ATG7: variants seen among roughly 807,000 people sequenced by gnomAD.
The protein encoded by ATG7 is autophagy related 7.
A neutral mutation model predicts 82.4 loss-of-function variants in ATG7; 70 were observed. The ratio of observed to expected loss-of-function variants is 0.85; its 90% CI spans 0.70 to 1.04. The LOEUF (loss-of-function observed/expected upper bound fraction) is 1.04, where lower values mean the gene tolerates loss of function less well. ATG7 is among the 50% of genes least tolerant of loss of function. The pLI, the probability that ATG7 is intolerant of heterozygous loss-of-function variation, is 0.00. For missense variants in ATG7, 792 were observed against 864.3 expected, an observed-to-expected ratio of 0.92 and a Z score of 1.05; for synonymous variants, 287 against 313.0, an observed-to-expected ratio of 0.92 and a Z score of 0.88.
intron 7 of ATG7, among the ~76,000 whole-genome samples, chr3:11,313,019 T>C (rs1440628815): frequency 6.6e-6 from 1 of 152,220 alleles, no homozygotes; most frequent in East Asian, 1.9e-4. Flanking sequence ...ATGATGATGA[T>C]AATATCAATT....
At chr3:11,493,430 G>T (rs973497899) in intron 20 of ATG7, among the ~76,000 whole-genome samples, 1 of 152,180 alleles carries the variant, frequency 6.6e-6, no homozygotes, top group African/African-American at 2.4e-5. Flanking sequence ...TTGGTAAAAA[G>T]ACATTATTCA....
At chr3:11,536,696 C>A (rs1485212153) in intron 20 of ATG7, among the ~76,000 whole-genome samples, 2 of 152,272 alleles carry the variant, frequency 1.3e-5, no homozygotes, top group Admixed American at 6.5e-5. Context: ...AACCTGCTGC[C>A]CCGACCCTGC....
intron 6 of ATG7, among the ~76,000 whole-genome samples, 193 bp downstream of exon 6, chr3:11,307,253 G>GA (rs1559363781): frequency 1.2e-4 from 18 of 152,288 alleles, no homozygotes; most frequent in East Asian, 3.9e-4. Context: ...GGAAGGTCAG[G>GA]GAGAGGACAT....
Position 11,437,645 on chromosome 3 carries a change from C to G in ATG7, c.2079+10719C>G, listed in dbSNP as rs2152960818. 3.3e-5 allele frequency among the ~76,000 whole-genome samples: 5 copies of G among 152,164 alleles called. No individual in the cohort carries two copies. The Middle Eastern group carries it at 0.017, about 518-fold the overall frequency. On this transcript the variant is annotated intron_variant, in intron 20 of 20. Transcript: ENST00000693202. ...GTTGAATGAAAAGTACAGTGAATAC[C>G]CACATACTCCTACCTGGATCCAACA...
chr3:11,564,152 C>G, the ATG7 span, among the ~76,000 whole-genome samples: 1 of 152,232 alleles, frequency 6.6e-6, no homozygotes, highest in South Asian at 2.1e-4. Flanking sequence ...ATGCTGCTGC[C>G]TTCTCCCATA....
the ATG7 span, among the ~76,000 whole-genome samples, chr3:11,575,120 C>T: frequency 1.3e-5 from 2 of 152,158 alleles, no homozygotes; most frequent in Admixed American, 1.3e-4. Context: ...AGGGATCTGC[C>T]TGGGGCCATG....
rs140896914 is a variant in ATG7, at chr3:11,308,119, C to T, written c.334-865C>T. ...GGCTTACCGGAAACTGGGGGCCTCT[C>T]TTCAGTGGTCCAGCTTCTCCAAGGC... On this transcript the variant is annotated intron_variant, in intron 6 of 20. Transcript: ENST00000693202. Among the ~76,000 whole-genome samples the T allele has an allele frequency of 5.8e-3, 885 of 152,342 alleles. 6 individuals carry two copies. Among genetic ancestry groups the T allele is most frequent in the African/African-American group, 0.02 (837 of 41,584 alleles).
At chr3:11,451,886 GAC>G (rs34995509) in intron 20 of ATG7, among the ~76,000 whole-genome samples, 12 of 145,406 alleles carry the variant, frequency 8.3e-5, no homozygotes, top group East Asian at 4.0e-4. Context: ...CACACACACA[GAC>G]ACACACACAC....
At chr3:11,345,581 T>G (rs1036018087) in intron 13 of ATG7, among the ~76,000 whole-genome samples, 1 of 152,182 alleles carries the variant, frequency 6.6e-6, no homozygotes, top group African/African-American at 2.4e-5. Context: ...AAATCTTCCT[T>G]TTATCTTTTA....
chr3:11,359,257 A>T (rs1186934029), intron 15 of ATG7, among the ~76,000 whole-genome samples: 2 of 152,146 alleles, frequency 1.3e-5, no homozygotes, highest in African/African-American at 4.8e-5. Context: ...TATTAATAGT[A>T]ATTTTTTGAG....
At chr3:11,306,761 A>G (rs1019556258) in intron 5 of ATG7, among the ~76,000 whole-genome samples, 182 bp from the exon 6 acceptor site, 3 of 152,164 alleles carry the variant, frequency 2.0e-5, no homozygotes, top group South Asian at 2.1e-4. Context: ...TTAGGGGGGA[A>G]TGGTGCCTGT....
chr3:11,315,037 A>G (rs185607519), intron 8 of ATG7, among the ~76,000 whole-genome samples: 1 of 152,316 alleles, frequency 6.6e-6, no homozygotes, highest in East Asian at 1.9e-4. Flanking sequence ...ATGTTGGGTT[A>G]TCATAGGAGA....
intron 20 of ATG7, among the ~76,000 whole-genome samples, chr3:11,516,963 G>C (rs1365141484): frequency 6.6e-6 from 1 of 151,978 alleles, no homozygotes; most frequent in African/African-American, 2.4e-5. Context: ...CGTGCCTGTA[G>C]TCCCAGCTAC....
In ATG7 at chr3:11,423,089, T is replaced by C. The variant is rs111293299; in HGVS notation, c.1957-3715T>C. ...CTAGCTCTCGATTTAAAGTGAGAAA[T>C]GTGTGACTCTTCCTTTCACTTGGAC... On this transcript the variant is annotated intron_variant, in intron 19 of 20. Coordinates refer to ENST00000693202, the MANE Select transcript of ATG7 (RefSeq NM_001349232.2). Among the ~76,000 whole-genome samples the C allele has an allele frequency of 8.9e-3, 1,352 of 152,230 alleles. 22 individuals are homozygous for C. The highest frequency in any genetic ancestry group is 0.03 in the African/African-American group (1,253 of 41,524).
Position 11,507,940 on chromosome 3 carries a change from C to T in ATG7, c.2080-46871C>T, listed in dbSNP as rs1031443045. 6.9e-5 allele frequency among the ~76,000 whole-genome samples: 10 copies of T among 145,196 alleles called. No homozygotes were observed. In the South Asian group the frequency reaches 1.8e-3, roughly 26 times the overall value. On this transcript the variant is annotated intron_variant, in intron 20 of 20. Coordinates refer to ENST00000693202, the MANE Select transcript of ATG7 (RefSeq NM_001349232.2). ...AGTCTGTAGTTGGGCAACCCTGAAC[C>T]TTGCTGGTAATTAAAAAAAAAACAA...
intron 20 of ATG7, among the ~76,000 whole-genome samples, chr3:11,513,574 C>T (rs1403958791): frequency 6.6e-6 from 1 of 152,240 alleles, no homozygotes; most frequent in Non-Finnish European, 1.5e-5. Context: ...CCCGGAACTC[C>T]AGCTGGCCCA....
At chr3:11,504,873 T>C (rs2091598967) in intron 20 of ATG7, among the ~76,000 whole-genome samples, 1 of 151,936 alleles carries the variant, frequency 6.6e-6, no homozygotes, top group Admixed American at 6.6e-5. Flanking sequence ...AGTATAATTA[T>C]GTTGAAATGG....
chr3:11,297,570 T>C lies in ATG7; in HGVS notation c.-10-1116T>C, dbSNP rs1032468156. ...TAGAAAGTTACAGTATACGTATGCA[T>C]GATTGCCAGGAAGGTCAAATTTATT... On this transcript the variant is annotated intron_variant, in intron 3 of 20. Coordinates refer to ENST00000693202, the MANE Select transcript of ATG7 (RefSeq NM_001349232.2). Among the ~76,000 whole-genome samples the C allele has an allele frequency of 7.9e-5, 12 of 152,130 alleles. No homozygotes were observed. In the East Asian group the frequency reaches 2.3e-3, roughly 29 times the overall value.
chr3:11,437,486 G>A (rs4684780), intron 20 of ATG7, among the ~76,000 whole-genome samples: 126,463 of 152,130 alleles, frequency 0.83, 52,750 homozygotes, highest in East Asian at 1. Flanking sequence ...GTTGCTATCT[G>A]TTTGTGTAAG....
Sources: allele counts gnomAD v4.1 joint callset (sites outside exome capture counted in the v4.1 genomes callset), GRCh38; gene constraint gnomAD v4.1.1; transcripts MANE v1.5; gene names NCBI Gene and HGNC (gene_info 2026-07-23, HGNC 2026-07-21).